ZDHHC13: variants seen among roughly 807,000 people sequenced by gnomAD.
ZDHHC13 encodes the protein palmitoyltransferase ZDHHC13.
A neutral mutation model predicts 86.0 loss-of-function variants in ZDHHC13; 85 were observed. The observed-to-expected ratio is 0.99, with a 90% CI of 0.83 to 1.18. The LOEUF (loss-of-function observed/expected upper bound fraction) is 1.18, where lower values mean the gene tolerates loss of function less well. Ranked by LOEUF, ZDHHC13 falls within the 50% of genes most tolerant of loss-of-function variation. ZDHHC13 has a pLI of 0.00. For synonymous variants in ZDHHC13, 263 were observed against 246.4 expected (o/e 1.07, Z -0.63); for missense variants, 711 against 730.2 (o/e 0.97, Z 0.30).
rs115387952 is a variant in ZDHHC13, at chr11:19,159,781, A to G, written c.1108+741A>G. ...GTGTGTTGTTCTCTTAGTGTTGGCCAAGTCCTGTCACCTAGAAATGGGGAG... is the reference window on the plus strand; with the variant it reads ...GTGTGTTGTTCTCTTAGTGTTGGCCGAGTCCTGTCACCTAGAAATGGGGAG... On this transcript the variant is annotated intron_variant, in intron 10 of 16. Coordinates refer to ENST00000446113, the MANE Select transcript of ZDHHC13 (RefSeq NM_019028.3). Among the ~76,000 whole-genome samples the G allele has an allele frequency of 7.0e-3, 1,064 of 151,898 alleles. 24 individuals are homozygous for G. Among genetic ancestry groups the G allele is most frequent in the African/African-American group, 0.024 (1,003 of 41,308 alleles).
At chr11:19,155,259 G>T (rs576820254) in intron 8 of ZDHHC13, among the ~76,000 whole-genome samples, 2 of 152,122 alleles carry the variant, frequency 1.3e-5, no homozygotes, top group Non-Finnish European at 2.9e-5. Flanking sequence ...ACCATTTCTT[G>T]TAGAGAAGAA....
rs1296916910 is a variant in ZDHHC13, at chr11:19,170,468, A to G, written c.1532A>G (p.Asn511Ser). 5 of 1,539,804 alleles carry G rather than the reference A, an allele frequency of 3.2e-6. No homozygotes were observed. Among genetic ancestry groups the G allele is most frequent in the Middle Eastern group, 1.7e-4 (1 of 5,944 alleles). ...FKEDGLWTYL[N>S]QIVACSPWVL... ...GAAGATGGATTATGGACTTACCTCA[A>G]TCAGATTGTGGCCTGTTCCCCTTGG... The change falls in exon 15 of 17, where the codon AAT becomes AGT. Residue 511 changes from asparagine (N) to serine (S), a missense_variant. Asn to Ser is a conservative substitution (Grantham distance 46). Transcript: ENST00000446113.
chr11:19,152,063 T>C lies in ZDHHC13; in HGVS notation c.585-95T>C, dbSNP rs185805741. 12 of 1,329,374 alleles carry C rather than the reference T, an allele frequency of 9.0e-6. No individual in the cohort carries two copies. In the East Asian group the frequency reaches 2.1e-4, roughly 23 times the overall value. 82.3% of individuals were successfully genotyped at this position (1,329,374 alleles called of 1,614,324 possible). A position where few individuals can be genotyped will look rare whatever the true frequency, so the allele number is the denominator to read the frequency against. ...TCTGAATACTTAACTGAATGGTTAATTGATGGCATTATCTTAAAAGATTCA... is the reference window on the plus strand; with the variant it reads ...TCTGAATACTTAACTGAATGGTTAACTGATGGCATTATCTTAAAAGATTCA... On this transcript the variant is annotated intron_variant, in intron 6 of 16. Transcript: ENST00000446113.
chr11:19,147,350 T>C (rs747418116), intron 3 of ZDHHC13, among the ~76,000 whole-genome samples: 4 of 152,148 alleles, frequency 2.6e-5, no homozygotes, highest in African/African-American at 4.8e-5. Context: ...ATTTGATATG[T>C]AAGTTATAAT....
At chr11:19,141,278 C>G (rs1348585903) in intron 1 of ZDHHC13, among the ~76,000 whole-genome samples, 2 of 152,038 alleles carry the variant, frequency 1.3e-5, no homozygotes, top group Non-Finnish European at 2.9e-5. Context: ...TGATTAGGGT[C>G]ACACTGTAGA....
intron 15 of ZDHHC13, among the ~76,000 whole-genome samples, chr11:19,171,959 T>C (rs1382348019): frequency 6.6e-6 from 1 of 152,128 alleles, no homozygotes; most frequent in African/African-American, 2.4e-5. Flanking sequence ...ATGGCTTTAT[T>C]CTCACACTGA....
chr11:19,130,877 G>C (rs887700587), intron 1 of ZDHHC13, among the ~76,000 whole-genome samples: 1 of 149,166 alleles, frequency 6.7e-6, no homozygotes, highest in Non-Finnish European at 1.5e-5. Flanking sequence ...AGGGAATTTC[G>C]CTCTGTCGCC....
chr11:19,148,828 T>G (rs1849536158), intron 4 of ZDHHC13: 1 of 159,248 alleles, frequency 6.3e-6, no homozygotes, highest in Non-Finnish European at 1.4e-5. Flanking sequence ...TAGGTGGGCA[T>G]GGTGGCATGC....
At chr11:19,133,942 T>TATATATATATATGTATATATATATAC in intron 1 of ZDHHC13, among the ~76,000 whole-genome samples, 1 of 96,122 alleles carries the variant, frequency 1.0e-5, no homozygotes, top group African/African-American at 3.4e-5. Flanking sequence ...TATATATATA[T>TATATATATATATGTATATATATATAC]ACACGTATGT....
intron 8 of ZDHHC13, among the ~76,000 whole-genome samples, chr11:19,155,535 C>T (rs969014752): frequency 2.0e-5 from 3 of 147,276 alleles, no homozygotes; most frequent in Admixed American, 6.9e-5. Context: ...GAGCCGAGAT[C>T]GCACCATTGT....
intron 8 of ZDHHC13, among the ~76,000 whole-genome samples, chr11:19,153,955 C>A (rs944450268): frequency 9.2e-5 from 14 of 152,002 alleles, no homozygotes; most frequent in African/African-American, 3.4e-4. Flanking sequence ...CCCCTTCTTA[C>A]CACTCTACCA....
chr11:19,149,102 C>T, intron 4 of ZDHHC13, 85 bp from the exon 5 acceptor site: 1 of 1,217,450 alleles, frequency 8.2e-7, no homozygotes, highest in Non-Finnish European at 1.1e-6. Context: ...AACCAAAATC[C>T]CTCATGTCTT....
chr11:19,143,542 A>G (rs890335593), intron 2 of ZDHHC13, among the ~76,000 whole-genome samples: 2 of 152,246 alleles, frequency 1.3e-5, no homozygotes, highest in African/African-American at 4.8e-5. Context: ...ATACTGACTT[A>G]CACATTTATA....
chr11:19,173,363 T>C (rs1011432961), intron 16 of ZDHHC13, among the ~76,000 whole-genome samples: 13 of 152,138 alleles, frequency 8.5e-5, no homozygotes, highest in African/African-American at 2.9e-4. Context: ...CAGTTGAAAA[T>C]GAGAGTATGT....
intron 13 of ZDHHC13, 148 bp downstream of exon 13, chr11:19,165,293 A>G (rs1241810005): frequency 1.6e-5 from 11 of 705,208 alleles, no homozygotes; most frequent in Non-Finnish European, 2.6e-5. Flanking sequence ...TTATTATGCT[A>G]CAGGTAACAT....
Position 19,165,095 on chromosome 11 carries a change from G to A in ZDHHC13, c.1340G>A (p.Cys447Tyr). The change falls in exon 13 of 17, where the codon TGC becomes TAC. Residue 447 changes from cysteine (C) to tyrosine (Y), a missense_variant. Cys to Tyr is a radical substitution (Grantham distance 194). Transcript: ENST00000446113. ...TCACTCCACTGCCATGTATGCAACT[G>A]CTGTGTGGCTCGATATGATCAACAC... is the stretch of plus-strand genomic sequence containing the variant. Reference protein sequence around the residue: ...LRSLHCHVCNCCVARYDQHCL... With the variant: ...LRSLHCHVCNYCVARYDQHCL... The A allele has an allele frequency of 6.2e-7, 1 of 1,613,062 alleles. No homozygotes were observed. The highest frequency in any genetic ancestry group is 8.5e-7 in the Non-Finnish European group (1 of 1,179,464).
chr11:19,134,713 G>T (rs1017833281), intron 1 of ZDHHC13, among the ~76,000 whole-genome samples: 2 of 152,030 alleles, frequency 1.3e-5, no homozygotes, highest in Non-Finnish European at 2.9e-5. Flanking sequence ...GTCAGGGGGT[G>T]GGGGGCAAGG....
intron 10 of ZDHHC13, 79 bp downstream of exon 10, chr11:19,159,119 T>C (rs1412135789): frequency 9.8e-7 from 1 of 1,022,714 alleles, no homozygotes; most frequent in Non-Finnish European, 1.4e-6. Context: ...AATTTAGGTA[T>C]TGGAAAAGGC....
chr11:19,175,802 C>CT lies in ZDHHC13; in HGVS notation c.1731-9dup, dbSNP rs369385790. On this transcript the variant is annotated intron_variant, in intron 16 of 16. Transcript: ENST00000446113. The stretch of plus-strand genomic sequence containing the variant: ...CAGGAAATATAGTAAGACATGTTCT[C>CT]TTTTTTTTTTTCTTGGCAGTCTTGG... The CT allele has an allele frequency of 0.058, 53,603 of 931,564 alleles. 1 individual carries two copies. The highest frequency in any genetic ancestry group is 0.062 in the Non-Finnish European group (40,609 of 649,896). 57.7% of individuals were successfully genotyped at this position (931,564 alleles called of 1,614,324 possible).
Sources: allele counts gnomAD v4.1 joint callset (sites outside exome capture counted in the v4.1 genomes callset), GRCh38; gene constraint gnomAD v4.1.1; transcripts MANE v1.5; gene names NCBI Gene and HGNC (gene_info 2026-07-23, HGNC 2026-07-21).